DHCR7: variants seen among roughly 807,000 people sequenced by gnomAD.
DHCR7 encodes 7-dehydrocholesterol reductase, also known as 7-DHC reductase.
A neutral mutation model predicts 43.3 loss-of-function variants in DHCR7; 40 were observed. The ratio of observed to expected loss-of-function variants is 0.92; its 90% CI spans 0.72 to 1.20. DHCR7 has a LOEUF of 1.20. Among genes scored for constraint, DHCR7 ranks in the 50% most tolerant of loss-of-function variants. The pLI, the probability that DHCR7 is intolerant of heterozygous loss-of-function variation, is 0.00. For missense variants in DHCR7, 608 were observed against 644.6 expected, an observed-to-expected ratio of 0.94 and a Z score of 0.62; for synonymous variants, 298 against 271.4, an observed-to-expected ratio of 1.10 and a Z score of -0.96.
chr11:71,440,562 C>A (rs1949338060), intron 6 of DHCR7, among the ~76,000 whole-genome samples: 1 of 138,228 alleles, frequency 7.2e-6, no homozygotes, highest in Non-Finnish European at 1.6e-5. Context: ...GGTGGATGGG[C>A]AGATGGATGA....
chr11:71,443,294 A>T (rs1180304864), intron 4 of DHCR7, among the ~76,000 whole-genome samples: 2 of 152,130 alleles, frequency 1.3e-5, no homozygotes, highest in Non-Finnish European at 2.9e-5. Flanking sequence ...TGAACTGAGA[A>T]GTATTCTGGA....
At chr11:71,428,864 G>A (rs992201135) in intron 2 of DHCR7, 7 of 456,282 alleles carry the variant, frequency 1.5e-5, no homozygotes, top group Non-Finnish European at 3.1e-5. Context: ...TGCAAGGCAA[G>A]TCAAGAATTC....
At chr11:71,429,675 G>A (rs192515677), downstream of DHCR7, among the ~76,000 whole-genome samples, 6 of 152,328 alleles carry the variant, frequency 3.9e-5, no homozygotes, top group African/African-American at 1.4e-4. Context: ...TGAGTGAGGT[G>A]TAGAGGGAGC....
At chr11:71,431,078 C>A (rs1387461163), downstream of DHCR7, among the ~76,000 whole-genome samples, 1 of 152,172 alleles carries the variant, frequency 6.6e-6, no homozygotes, top group African/African-American at 2.4e-5. Flanking sequence ...TGGCTTGAAC[C>A]CGGGAGGCGG....
intron 8 of DHCR7, 131 bp downstream of exon 8, chr11:71,437,681 A>G: frequency 7.3e-7 from 1 of 1,361,082 alleles, no homozygotes; most frequent in Non-Finnish European, 1.0e-6. Context: ...TGGCTAATAC[A>G]CGAGGCCTTC....
rs375895720 is a variant in DHCR7 at position 71,438,840 on chromosome 11, C to T, written c.831+39G>A. On this transcript the variant is annotated intron_variant, in intron 7 of 8. Coordinates refer to ENST00000355527, the MANE Select transcript of DHCR7 (RefSeq NM_001360.3). ...GCTTGCGGGTTCCCCCAGAGCCTGC[C>T]GGCATCGGCGTTTCACCCTCTCCAG... 8.8e-4 allele frequency: 1,413 copies of T among 1,604,076 alleles called. 1 individual carries two copies. The highest frequency in any genetic ancestry group is 1.2e-3 in the Admixed American group (74 of 59,976).
intron 7 of DHCR7, 171 bp downstream of exon 7, chr11:71,438,708 A>G: frequency 4.2e-6 from 3 of 712,198 alleles, no homozygotes; most frequent in Non-Finnish European, 7.3e-6. Context: ...GCACCCAAGG[A>G]TGGCTTCCTT....
chr11:71,435,446 T>C lies in DHCR7; in HGVS notation c.1357A>G (p.Ser453Gly), dbSNP rs1949264320. 2 of 1,612,654 alleles carry C rather than the reference T, an allele frequency of 1.2e-6. No homozygotes were observed. The highest frequency in any genetic ancestry group is 2.7e-5 in the African/African-American group (2 of 74,936). Residue 453 changes from serine (S) to glycine (G), a missense_variant, in exon 9 of 9, where the codon AGC (serine) becomes GGC (glycine). Transcript: ENST00000355527. ...CGCTCCCAGTCCCGGCCGTACTTGCTGGCGCAGCGGTGCTCGTCCCGGAGG... is the reference window on the plus strand; with the variant it reads ...CGCTCCCAGTCCCGGCCGTACTTGCCGGCGCAGCGGTGCTCGTCCCGGAGG... ...RCLRDEHRCA[S>G]KYGRDWERYT...
In DHCR7 at chr11:71,435,514, T is replaced by A. The variant is rs1485535452; in HGVS notation, c.1289A>T (p.Tyr430Phe). The A allele has an allele frequency of 6.2e-7, 1 of 1,611,618 alleles. No homozygotes were observed. Among genetic ancestry groups the A allele is most frequent in the Non-Finnish European group, 8.5e-7 (1 of 1,179,662 alleles). The change falls in exon 9 of 9, where the codon TAC (tyrosine) becomes TTC (phenylalanine). Residue 430 changes from tyrosine (Y) to phenylalanine (F), a missense_variant. Transcript: ENST00000355527. ...LACGGGHLLP[Y>F]FYIIYMAILL... ...GATGGCCATGTAGATGATGTAGAAG[T>A]AGGGCAGCAGGTGGCCGCCGCCACA...
In DHCR7 at chr11:71,441,305, C is replaced by T. The variant is rs2135944619; in HGVS notation, c.548G>A (p.Cys183Tyr). 2 of 1,614,216 alleles carry T rather than the reference C, an allele frequency of 1.2e-6. No homozygotes were observed. ...IFDNWIPLLW[C>Y]ANILGYAVST... ...GACGGCATAGCCAAGGATGTTGGCG[C>T]ACCACAGCAGTGGGATCCAGTTGTC... Residue 183 changes from cysteine (C) to tyrosine (Y), a missense_variant, in exon 6 of 9, where the codon TGC becomes TAC. Transcript: ENST00000355527.
In DHCR7 at chr11:71,444,098, C is replaced by A; in HGVS notation, c.216G>T (p.Val72=). ...DQYSCALTGP[V]VDIVTGHARL... ...GAGCATGTCCGGTGACGATGTCCAC[C>A]ACAGGGCCAGTCAGGGCGCAGCTGT... Residue 72 remains valine, a synonymous_variant, in exon 4 of 9, where the codon GTG becomes GTT. Transcript: ENST00000355527. 6.2e-7 allele frequency: 1 copy of A among 1,613,348 alleles called. No homozygotes were observed.
intron 6 of DHCR7, among the ~76,000 whole-genome samples, 172 bp from the exon 7 acceptor site, chr11:71,439,255 C>A (rs149207905): frequency 7.3e-4 from 111 of 152,322 alleles, no homozygotes; most frequent in African/African-American, 2.6e-3. Flanking sequence ...GAATGCTTGT[C>A]GGCTGGTTCC....
chr11:71,441,555 C>T (rs1325020415), intron 5 of DHCR7, 115 bp from the exon 6 acceptor site: 9 of 912,790 alleles, frequency 9.9e-6, no homozygotes, highest in South Asian at 4.2e-5. Context: ...TCTGCTGCTG[C>T]GGACCCTCAT....
chr11:71,439,030 G>T lies in DHCR7; in HGVS notation c.680C>A (p.Pro227His). The T allele has an allele frequency of 6.2e-7, 1 of 1,614,114 alleles. No individual in the cohort carries two copies. ...YNYMMGIEFN[P>H]RIGKWFDFKL... Reference sequence around the variant, plus strand: ...GAAGTCAAACCACTTCCCGATCCGAGGGTTAAACTCGATGCCCATCATGTA... The same window carrying T: ...GAAGTCAAACCACTTCCCGATCCGATGGTTAAACTCGATGCCCATCATGTA... The change falls in exon 7 of 9, where the codon CCT becomes CAT. Residue 227 changes from proline (P) to histidine (H), a missense_variant. Physicochemically the swap from Pro to His is moderately conservative, Grantham distance 77 (BLOSUM62 -2). Transcript: ENST00000355527.
downstream of DHCR7, among the ~76,000 whole-genome samples, chr11:71,427,860 C>T (rs1949207716): frequency 6.6e-6 from 1 of 152,180 alleles, no homozygotes; most frequent in Non-Finnish European, 1.5e-5. Flanking sequence ...TTCAGGAGTG[C>T]TGGCCTTATA....
In DHCR7 at chr11:71,434,466, T is replaced by C. The variant is rs934184874; in HGVS notation, c.*909A>G. The C allele has an allele frequency of 6.6e-6, 1 of 151,164 alleles. No homozygotes were observed. The highest frequency in any genetic ancestry group is 1.5e-5 in the Non-Finnish European group (1 of 68,154). 9.4% of individuals were successfully genotyped at this position (151,164 alleles called of 1,614,324 possible). The stretch of plus-strand genomic sequence containing the variant: ...ATGAACTCTACTCGGAGCATAGAGT[T>C]TAAAAAGAGTTCTACACAACACCCT... On this transcript the variant is annotated 3_prime_UTR_variant, in exon 9 of 9. Transcript: ENST00000355527.
At chr11:71,440,795 G>A in intron 6 of DHCR7, among the ~76,000 whole-genome samples, 1 of 152,028 alleles carries the variant, frequency 6.6e-6, no homozygotes, top group Non-Finnish European at 1.5e-5. Flanking sequence ...CCACTGTCCA[G>A]CCATGGGAAT....
Position 71,435,715 on chromosome 11 carries a change from C to A in DHCR7, c.1088G>T (p.Arg363Leu), listed in dbSNP as rs200539324. 1 of 1,613,046 alleles carries A rather than the reference C, an allele frequency of 6.2e-7. No homozygotes were observed. Among genetic ancestry groups the A allele is most frequent in the South Asian group, 1.1e-5 (1 of 91,080 alleles). ...CCAGATGAGGCAGCGCCCATCCGTG[C>A]GGCGGAACAGGTCCTTCTGGTGGTT... The part of the protein sequence containing the change: ...VANHQKDLFR[R>L]TDGRCLIWGR... Residue 363 changes from arginine (R) to leucine (L), a missense_variant, in exon 9 of 9, where the codon CGC becomes CTC. By Grantham distance (102) the Arg-to-Leu change is moderately radical. Transcript: ENST00000355527.
downstream of DHCR7, among the ~76,000 whole-genome samples, chr11:71,430,992 T>C (rs189117422): frequency 1.2e-4 from 18 of 152,286 alleles, no homozygotes; most frequent in Admixed American, 1.1e-3. Flanking sequence ...CAGTCTCTAC[T>C]AAAAATACAA....
Sources: allele counts gnomAD v4.1 joint callset (sites outside exome capture counted in the v4.1 genomes callset), GRCh38; gene constraint gnomAD v4.1.1; transcripts MANE v1.5; gene names NCBI Gene and HGNC (gene_info 2026-07-23, HGNC 2026-07-21).